The following KHDRBS2 variants were observed in gnomAD, a reference collection of about 807,000 sequenced individuals.
KHDRBS2 encodes KH RNA binding domain containing, signal transduction associated 2.
KHDRBS2 carries 26 observed loss-of-function variants against 44.3 expected under a neutral mutation model. The ratio of observed to expected loss-of-function variants is 0.59; its 90% CI spans 0.43 to 0.81. The LOEUF (loss-of-function observed/expected upper bound fraction) is 0.81. KHDRBS2 is among the 40% of genes least tolerant of loss of function. The probability of loss-of-function intolerance (pLI) is 0.00; values close to 1 mark genes in which losing one functional copy is unlikely to be tolerated. For synonymous variants in KHDRBS2, 194 were observed against 151.1 expected (o/e 1.28, Z -2.08); for missense variants, 476 against 433.1 (o/e 1.10, Z -0.88).
At position 62,107,075 on chromosome 6, in the gene KHDRBS2, G is replaced by C. The variant is rs561486617; in HGVS notation, c.220-59081C>G. On this transcript the variant is annotated intron_variant, in intron 2 of 8. Coordinates refer to ENST00000281156, the MANE Select transcript of KHDRBS2 (RefSeq NM_152688.4). ...TCTCACCACTCCTATTCAACATAGT[G>C]TTGGAAGTTCTGGCCAGGGCAATTA... 6.6e-5 allele frequency among the ~76,000 whole-genome samples: 10 copies of C among 152,032 alleles called. No individual in the cohort carries two copies. In the East Asian group the frequency reaches 1.9e-3, roughly 29 times the overall value.
At chr6:61,591,956 G>A in the KHDRBS2 span, among the ~76,000 whole-genome samples, 1 of 152,096 alleles carries the variant, frequency 6.6e-6, no homozygotes, top group East Asian at 1.9e-4. Context: ...GGAAGCCAAG[G>A]CAAGAGAGGG....
At chr6:61,996,985 G>A (rs1374295473) in intron 3 of KHDRBS2, among the ~76,000 whole-genome samples, 4 of 152,116 alleles carry the variant, frequency 2.6e-5, no homozygotes, top group Non-Finnish European at 5.9e-5. Context: ...GTTTCACCAT[G>A]TTAGCCAGGC....
Position 61,954,836 on chromosome 6 carries a change from G to GTGTATATAAGTATATATACACATACA in KHDRBS2, c.483+23229_483+23230insTGTATGTGTATATATACTTATATACA, listed in dbSNP as rs1445904774. On this transcript the variant is annotated intron_variant, in intron 4 of 8. Coordinates refer to ENST00000281156, the MANE Select transcript of KHDRBS2 (RefSeq NM_152688.4). ...CGCATGTGTATATACACATGCATAT[G>GTGTATATAAGTATATATACACATACA]TATGTATACATATGCATGTGTATAT... Among the ~76,000 whole-genome samples, 5 of 30,064 alleles carry GTGTATATAAGTATATATACACATACA rather than the reference G, an allele frequency of 1.7e-4. 1 individual carries two copies. The highest frequency in any genetic ancestry group is 5.8e-4 in the African/African-American group (5 of 8,610). 19.7% of individuals were successfully genotyped at this position (30,064 alleles called of 152,430 possible).
At chr6:62,108,416 A>G (rs1364356009) in intron 2 of KHDRBS2, among the ~76,000 whole-genome samples, 3 of 152,218 alleles carry the variant, frequency 2.0e-5, no homozygotes, top group Non-Finnish European at 4.4e-5. Flanking sequence ...CACACCAGTT[A>G]GAATGGCGAT....
intron 6 of KHDRBS2, among the ~76,000 whole-genome samples, chr6:61,861,221 G>T (rs1432640898): frequency 2.6e-5 from 4 of 152,010 alleles, no homozygotes; most frequent in African/African-American, 7.2e-5. Flanking sequence ...AGTTTAATTA[G>T]ATCCCACTGG....
intron 4 of KHDRBS2, among the ~76,000 whole-genome samples, chr6:61,919,579 C>G (rs1807662113): frequency 6.6e-6 from 1 of 151,752 alleles, no homozygotes; most frequent in Admixed American, 6.6e-5. Context: ...TTTTGTATAA[C>G]TTCTATTTGT....
chr6:61,773,991 C>G (rs1297487395), intron 6 of KHDRBS2, among the ~76,000 whole-genome samples: 1 of 152,084 alleles, frequency 6.6e-6, no homozygotes, highest in Non-Finnish European at 1.5e-5. Context: ...CTGTTCTGTT[C>G]CATTGATCTA....
At chr6:61,683,372 C>T (rs1348445462) in intron 8 of KHDRBS2, among the ~76,000 whole-genome samples, 1 of 151,788 alleles carries the variant, frequency 6.6e-6, no homozygotes, top group Non-Finnish European at 1.5e-5. Context: ...TCTTCATTTC[C>T]TAAATGTTAG....
chr6:61,760,765 T>C (rs1779158432), intron 6 of KHDRBS2, among the ~76,000 whole-genome samples: 2 of 152,262 alleles, frequency 1.3e-5, no homozygotes, highest in South Asian at 4.1e-4. Flanking sequence ...ATCACAGAAA[T>C]TGATAGAAAA....
At chr6:61,546,697 G>A in the KHDRBS2 span, among the ~76,000 whole-genome samples, 1 of 152,004 alleles carries the variant, frequency 6.6e-6, no homozygotes, top group Non-Finnish European at 1.5e-5. Flanking sequence ...AGCGGTGGTG[G>A]GGTAAATCAA....
chr6:61,772,388 T>C (rs1349275223), intron 6 of KHDRBS2, among the ~76,000 whole-genome samples: 1 of 152,128 alleles, frequency 6.6e-6, no homozygotes, highest in Admixed American at 6.6e-5. Context: ...GGAGCTGCTT[T>C]TTTGAAAAGA....
intron 3 of KHDRBS2, among the ~76,000 whole-genome samples, chr6:62,029,479 G>A (rs1174648612): frequency 1.3e-5 from 2 of 151,810 alleles, no homozygotes; most frequent in Admixed American, 6.6e-5. Context: ...ATTATAATGT[G>A]CAAGATATTT....
chr6:62,084,662 T>C (rs1220300152), intron 2 of KHDRBS2, among the ~76,000 whole-genome samples: 1 of 152,182 alleles, frequency 6.6e-6, no homozygotes, highest in Non-Finnish European at 1.5e-5. Flanking sequence ...AAGATATTTT[T>C]AGGGTATGAA....
the KHDRBS2 span, among the ~76,000 whole-genome samples, chr6:61,583,993 A>C: frequency 6.6e-6 from 1 of 151,696 alleles, no homozygotes; most frequent in African/African-American, 2.4e-5. Flanking sequence ...GGCATTTTTA[A>C]ATTTCAAGTT....
At chr6:62,147,268 CA>C (rs1168478496) in intron 2 of KHDRBS2, among the ~76,000 whole-genome samples, 3 of 151,882 alleles carry the variant, frequency 2.0e-5, no homozygotes, top group African/African-American at 7.2e-5. Flanking sequence ...CTGAAGTCAG[CA>C]AAAGTCTTTT....
chr6:61,982,685 A>G (rs1774107222), intron 3 of KHDRBS2, among the ~76,000 whole-genome samples: 1 of 151,772 alleles, frequency 6.6e-6, no homozygotes, highest in Non-Finnish European at 1.5e-5. Flanking sequence ...AAAAAAAAAA[A>G]AAAGAACATA....
chr6:61,814,164 G>T (rs2127239986), intron 6 of KHDRBS2: 1 of 418,322 alleles, frequency 2.4e-6, no homozygotes, highest in Non-Finnish European at 4.8e-6. Context: ...GATATCAAGT[G>T]AATTCTTCAG....
At chr6:61,939,537 G>T (rs1219534095) in intron 4 of KHDRBS2, among the ~76,000 whole-genome samples, 1 of 138,386 alleles carries the variant, frequency 7.2e-6, no homozygotes, top group African/African-American at 2.5e-5. Context: ...TTCTATAAAT[G>T]AACAATGGGT....
intron 6 of KHDRBS2, among the ~76,000 whole-genome samples, chr6:61,889,430 C>A (rs1801471789): frequency 6.6e-6 from 1 of 152,190 alleles, no homozygotes; most frequent in Non-Finnish European, 1.5e-5. Flanking sequence ...AACAGTGTCT[C>A]AATTTAACCC....
Sources: gnomAD v4.1 joint callset for allele counts (sites outside exome capture counted in the v4.1 genomes callset) on GRCh38, gnomAD v4.1.1 for gene constraint, MANE v1.5 for transcripts, NCBI Gene and HGNC (gene_info 2026-07-23, HGNC 2026-07-21) for gene names.